ASB15: variants seen among roughly 807,000 people sequenced by gnomAD.
ASB15 encodes ankyrin repeat and SOCS box protein 15.
Under a neutral mutation model 58.0 loss-of-function variants are expected in ASB15, and 54 were observed. That is an observed-to-expected ratio of 0.93 (90% CI 0.75 to 1.17). ASB15 has a LOEUF of 1.17. Among genes scored for constraint, ASB15 ranks in the 50% most tolerant of loss-of-function variants. The probability of loss-of-function intolerance (pLI) is 0.00; values close to 1 mark genes in which losing one functional copy is unlikely to be tolerated. For missense variants in ASB15, 680 were observed against 707.4 expected, an observed-to-expected ratio of 0.96 and a Z score of 0.44; for synonymous variants, 249 against 262.4, an observed-to-expected ratio of 0.95 and a Z score of 0.50.
At chr7:123,627,510 A>C (rs1801875251) in intron 9 of ASB15, among the ~76,000 whole-genome samples, 1 of 152,116 alleles carries the variant, frequency 6.6e-6, no homozygotes, top group Admixed American at 6.5e-5. Flanking sequence ...ATGAAAAGAA[A>C]TTTTCTTTTA....
intron 3 of ASB15, among the ~76,000 whole-genome samples, chr7:123,611,710 A>C (rs1015947868): frequency 2.0e-5 from 3 of 152,192 alleles, no homozygotes; most frequent in African/African-American, 7.2e-5. Context: ...TAGATAAATA[A>C]GTTACTCTCC....
intron 9 of ASB15, among the ~76,000 whole-genome samples, chr7:123,628,482 GC>G (rs751707558): frequency 1.2e-4 from 19 of 152,160 alleles, no homozygotes; most frequent in Non-Finnish European, 1.8e-4. Context: ...AGATTATGAA[GC>G]ATTCCTCTGT....
chr7:123,568,222 A>G (rs1480760047), intron 1 of ASB15, among the ~76,000 whole-genome samples: 1 of 152,124 alleles, frequency 6.6e-6, no homozygotes, highest in Non-Finnish European at 1.5e-5. Flanking sequence ...TCTATTGAAA[A>G]TTAAAACTGG....
intron 1 of ASB15, among the ~76,000 whole-genome samples, chr7:123,602,859 G>A (rs1479749978): frequency 3.3e-5 from 5 of 152,104 alleles, no homozygotes; most frequent in African/African-American, 9.7e-5. Flanking sequence ...TTAAGCGTGT[G>A]TGGCCTCCAT....
rs746013877 is a variant in ASB15, at chr7:123,614,623, C to A, written c.107+14C>A. 6.0e-6 allele frequency: 9 copies of A among 1,499,438 alleles called. No individual in the cohort carries two copies. Among genetic ancestry groups the A allele is most frequent in the Non-Finnish European group, 6.5e-6 (7 of 1,079,722 alleles). 92.9% of individuals were successfully genotyped at this position (1,499,438 alleles called of 1,614,324 possible). ...TTGTCCTGAAAGGTAGTATTCAAAC[C>A]AACTATCCTCAGCAAAATTTCTTTA... On this transcript the variant is annotated intron_variant, in intron 4 of 11. Coordinates refer to ENST00000451215, the MANE Select transcript of ASB15 (RefSeq NM_001290258.2).
chr7:123,580,984 A>G (rs570912267), intron 1 of ASB15, among the ~76,000 whole-genome samples: 1 of 152,004 alleles, frequency 6.6e-6, no homozygotes, highest in Non-Finnish European at 1.5e-5. Flanking sequence ...CAGGAAACCA[A>G]ACCAACAGGC....
At chr7:123,594,535 G>A (rs1038229942) in intron 1 of ASB15, among the ~76,000 whole-genome samples, 2 of 152,088 alleles carry the variant, frequency 1.3e-5, no homozygotes, top group African/African-American at 4.8e-5. Context: ...TAACAGACAG[G>A]CCCCTCAGCT....
At position 123,621,947 on chromosome 7, in the gene ASB15, A is replaced by C. The variant is rs1287160850; in HGVS notation, c.452-2622A>C. 2.6e-5 allele frequency among the ~76,000 whole-genome samples: 4 copies of C among 152,330 alleles called. No homozygotes were observed. In the East Asian group the frequency reaches 7.7e-4, roughly 29 times the overall value. ...CAGGGACCATCTGGCATGACGCTTC[A>C]GTCCCACTGCCCTCCATTCCTGATG... On this transcript the variant is annotated intron_variant, in intron 7 of 11. Transcript: ENST00000451215.
At chr7:123,591,649 C>T (rs897816199) in intron 1 of ASB15, among the ~76,000 whole-genome samples, 3 of 152,114 alleles carry the variant, frequency 2.0e-5, no homozygotes, top group African/African-American at 7.2e-5. Context: ...GGGATGAAGC[C>T]AACTTGATCG....
At chr7:123,583,760 T>A (rs557857427) in intron 1 of ASB15, among the ~76,000 whole-genome samples, 1 of 151,894 alleles carries the variant, frequency 6.6e-6, no homozygotes, top group South Asian at 2.1e-4. Context: ...CCTCATAACA[T>A]CTTCATAATA....
At chr7:123,596,380 T>C (rs1799692981) in intron 1 of ASB15, 1 of 151,706 alleles carries the variant, frequency 6.6e-6, no homozygotes, top group African/African-American at 2.4e-5. Context: ...GAAGGGTGGG[T>C]AGATTGCTCG....
At chr7:123,611,390 G>T (rs770219359) in intron 3 of ASB15, among the ~76,000 whole-genome samples, 5 of 152,116 alleles carry the variant, frequency 3.3e-5, no homozygotes, top group Non-Finnish European at 7.4e-5. Flanking sequence ...CGCCTCCCGG[G>T]TTCACGCCAT....
At chr7:123,636,226 G>A (rs913285660) in intron 11 of ASB15, among the ~76,000 whole-genome samples, 3 of 152,072 alleles carry the variant, frequency 2.0e-5, no homozygotes, top group Non-Finnish European at 4.4e-5. Context: ...TCATATTGCT[G>A]CTATAAAATC....
At chr7:123,592,706 T>G (rs1378887924) in intron 1 of ASB15, among the ~76,000 whole-genome samples, 1 of 152,170 alleles carries the variant, frequency 6.6e-6, no homozygotes, top group Non-Finnish European at 1.5e-5. Context: ...TACTTCCAAT[T>G]TTTTGGTCAA....
intron 11 of ASB15, among the ~76,000 whole-genome samples, chr7:123,630,550 C>T (rs935788773): frequency 1.3e-5 from 2 of 152,006 alleles, no homozygotes; most frequent in Non-Finnish European, 2.9e-5. Context: ...TTTTGACATG[C>T]TTTCTCTGGG....
chr7:123,585,381 G>A (rs1031736808), intron 1 of ASB15, among the ~76,000 whole-genome samples: 2 of 151,716 alleles, frequency 1.3e-5, no homozygotes, highest in Non-Finnish European at 2.9e-5. Context: ...CACACTAGGA[G>A]AAAGTCCTCA....
intron 1 of ASB15, among the ~76,000 whole-genome samples, chr7:123,581,026 A>G (rs1439491932): frequency 2.0e-5 from 3 of 151,934 alleles, no homozygotes; most frequent in Admixed American, 2.0e-4. Context: ...CTTCCACTAG[A>G]TGGTGCTGGC....
rs754119292 is a variant in ASB15 at position 123,629,425 on chromosome 7, A to C, written c.1431A>C (p.Lys477Asn). Residue 477 changes from lysine (K) to asparagine (N), a missense_variant, in exon 10 of 12, where the codon AAA (lysine) becomes AAC (asparagine). Physicochemically the swap from Lys to Asn is moderately conservative, Grantham distance 94. Coordinates refer to ENST00000451215, the MANE Select transcript of ASB15 (RefSeq NM_001290258.2). ...VLPGWTSCVI[K>N]DNPFCEFITV... Reference sequence around the variant, plus strand: ...CAGGATGGACATCTTGTGTAATAAAAGATAACCCGGTGAGTTATGCCTTTT... The same window carrying C: ...CAGGATGGACATCTTGTGTAATAAACGATAACCCGGTGAGTTATGCCTTTT... The C allele has an allele frequency of 7.5e-6, 12 of 1,605,032 alleles. No homozygotes were observed. In the South Asian group the frequency reaches 1.3e-4, roughly 18 times the overall value.
upstream of ASB15, among the ~76,000 whole-genome samples, chr7:123,600,651 T>A (rs1283904836): frequency 6.6e-6 from 1 of 152,204 alleles, no homozygotes. Flanking sequence ...ACTATTGCAA[T>A]ACACAGTTAA....
Sources: allele counts gnomAD v4.1 joint callset (sites outside exome capture counted in the v4.1 genomes callset), GRCh38; gene constraint gnomAD v4.1.1; transcripts MANE v1.5; gene names NCBI Gene and HGNC (gene_info 2026-07-23, HGNC 2026-07-21).